Variants in MAML2 observed in about 807,000 individuals in gnomAD.
MAML2 encodes the protein mastermind-like protein 2.
Under a neutral mutation model 96.1 loss-of-function variants are expected in MAML2, and 22 were observed. The observed-to-expected ratio is 0.23, with a 90% CI of 0.16 to 0.33. The LOEUF is 0.33. MAML2 is among the 10% of genes least tolerant of loss of function. The pLI is 1.00. For missense variants in MAML2, 1,367 were observed against 1,392.4 expected, an observed-to-expected ratio of 0.98 and a Z score of 0.29; for synonymous variants, 561 against 521.3, an observed-to-expected ratio of 1.08 and a Z score of -1.04.
At chr11:96,147,872 T>C (rs761254987) in intron 1 of MAML2, among the ~76,000 whole-genome samples, 6 of 152,186 alleles carry the variant, frequency 3.9e-5, no homozygotes, top group Non-Finnish European at 8.8e-5. Context: ...AAAAGGGGGA[T>C]TGTTTTTGCC....
intron 2 of MAML2, among the ~76,000 whole-genome samples, chr11:96,055,111 T>C (rs550706158): frequency 2.0e-5 from 3 of 152,330 alleles, no homozygotes; most frequent in East Asian, 1.9e-4. Flanking sequence ...TACTGATACA[T>C]TGAAACCTCC....
chr11:96,002,244 T>C (rs1247563032), intron 2 of MAML2, among the ~76,000 whole-genome samples: 1 of 152,198 alleles, frequency 6.6e-6, no homozygotes, highest in Non-Finnish European at 1.5e-5. Context: ...AGATGTTTTC[T>C]GAATTAAAAA....
At chr11:96,274,799 T>C (rs1862964504) in intron 1 of MAML2, among the ~76,000 whole-genome samples, 1 of 152,172 alleles carries the variant, frequency 6.6e-6, no homozygotes. Context: ...TTTTTGTAAA[T>C]ATTCAAATAT....
At chr11:96,225,074 TCAAATCTCTA>T (rs2135949923) in intron 1 of MAML2, among the ~76,000 whole-genome samples, 1 of 152,362 alleles carries the variant, frequency 6.6e-6, no homozygotes, top group Admixed American at 6.5e-5. Flanking sequence ...TTTAGTGTTT[TCAAATCTCTA>T]CAAATTCTTT....
At chr11:96,225,917 AT>A (rs1230187561) in intron 1 of MAML2, among the ~76,000 whole-genome samples, 1 of 152,196 alleles carries the variant, frequency 6.6e-6, no homozygotes, top group East Asian at 1.9e-4. Flanking sequence ...TTTTAAATCT[AT>A]GATCATTAAT....
chr11:96,205,124 T>C (rs1292052339), intron 1 of MAML2, among the ~76,000 whole-genome samples: 1 of 152,230 alleles, frequency 6.6e-6, no homozygotes, highest in Non-Finnish European at 1.5e-5. Context: ...GTGAAATGCA[T>C]AACCATATGG....
intron 1 of MAML2, among the ~76,000 whole-genome samples, chr11:96,178,039 TAA>T (rs1174873166): frequency 3.1e-5 from 3 of 96,674 alleles, no homozygotes; most frequent in Admixed American, 1.1e-4. Context: ...AAAAAAAAAA[TAA>T]ATATCACAAT....
intron 1 of MAML2, among the ~76,000 whole-genome samples, chr11:96,234,624 C>T (rs1334803349): frequency 6.6e-6 from 1 of 152,188 alleles, no homozygotes; most frequent in Admixed American, 6.5e-5. Context: ...CTGTCTGTCT[C>T]TTTTTCTATC....
intron 2 of MAML2, 95 bp from the exon 3 acceptor site, chr11:95,991,818 A>G: frequency 2.2e-6 from 2 of 930,220 alleles, no homozygotes; most frequent in Non-Finnish European, 3.4e-6. Flanking sequence ...AACATTTTTC[A>G]TCTTATTAAA....
At chr11:95,992,749 A>G (rs1857932231) in intron 2 of MAML2, among the ~76,000 whole-genome samples, 1 of 152,226 alleles carries the variant, frequency 6.6e-6, no homozygotes, top group Non-Finnish European at 1.5e-5. Flanking sequence ...TATAAGGCAG[A>G]TGCCCTGGCC....
intron 1 of MAML2, among the ~76,000 whole-genome samples, chr11:96,328,885 CT>C (rs1370526209): frequency 1.3e-5 from 2 of 152,126 alleles, no homozygotes; most frequent in Non-Finnish European, 2.9e-5. Flanking sequence ...TCTTGACTCT[CT>C]TTTATAGTTC....
At chr11:96,165,162 T>C (rs148497104) in intron 1 of MAML2, among the ~76,000 whole-genome samples, 25 of 151,964 alleles carry the variant, frequency 1.6e-4, no homozygotes, top group Non-Finnish European at 3.2e-4. Context: ...TATACATTGC[T>C]TTGTAGTGTG....
chr11:96,147,595 A>G (rs1320842497), intron 1 of MAML2, among the ~76,000 whole-genome samples: 1 of 152,258 alleles, frequency 6.6e-6, no homozygotes, highest in African/African-American at 2.4e-5. Context: ...AAGTAGAAAA[A>G]GTTTCTTTAC....
intron 1 of MAML2, among the ~76,000 whole-genome samples, chr11:96,271,149 C>T (rs1200347859): frequency 3.3e-5 from 5 of 152,202 alleles, no homozygotes; most frequent in Non-Finnish European, 7.3e-5. Context: ...CTTTGAGGTT[C>T]GGGACTTGGA....
At chr11:95,991,829 G>T in intron 2 of MAML2, 106 bp from the exon 3 acceptor site, 2 of 830,808 alleles carry the variant, frequency 2.4e-6, no homozygotes, top group Non-Finnish European at 3.9e-6. Context: ...TCTTATTAAA[G>T]ATCAAACATG....
intron 2 of MAML2, among the ~76,000 whole-genome samples, chr11:96,016,862 A>C (rs1858361033): frequency 6.6e-6 from 1 of 152,210 alleles, no homozygotes; most frequent in African/African-American, 2.4e-5. Flanking sequence ...CAGATCCAGA[A>C]ACTCTATAGA....
chr11:96,078,428 T>A (rs888651202), intron 2 of MAML2, among the ~76,000 whole-genome samples: 16 of 152,316 alleles, frequency 1.1e-4, no homozygotes, highest in Middle Eastern at 3.4e-3. Flanking sequence ...TTTCTTTAAA[T>A]TGTTCCTACA....
intron 1 of MAML2, among the ~76,000 whole-genome samples, chr11:96,275,564 C>T (rs548446263): frequency 4.9e-4 from 75 of 152,176 alleles, no homozygotes; most frequent in African/African-American, 1.8e-3. Flanking sequence ...CCACCACACC[C>T]GGCCAGAATT....
chr11:95,978,006 A>G lies in MAML2; in HGVS notation c.*942T>C. The G allele has an allele frequency of 4.5e-6, 1 of 220,416 alleles. No homozygotes were observed. The highest frequency in any genetic ancestry group is 9.1e-6 in the Non-Finnish European group (1 of 109,890). 13.7% of individuals were successfully genotyped at this position (220,416 alleles called of 1,614,324 possible). On this transcript the variant is annotated 3_prime_UTR_variant, in exon 5 of 5. Coordinates refer to ENST00000524717, the MANE Select transcript of MAML2 (RefSeq NM_032427.4). Reference sequence around the variant, plus strand: ...CTTTTCTTATAAACCAGCCTCAGTCATCAAAATGAGTAGGGAGGACGAGGT... The same window carrying G: ...CTTTTCTTATAAACCAGCCTCAGTCGTCAAAATGAGTAGGGAGGACGAGGT...
Sources: allele counts gnomAD v4.1 joint callset (sites outside exome capture counted in the v4.1 genomes callset), GRCh38; gene constraint gnomAD v4.1.1; transcripts MANE v1.5; gene names NCBI Gene and HGNC (gene_info 2026-07-23, HGNC 2026-07-21).